The following HPN variants were observed in gnomAD, a reference collection of about 807,000 sequenced individuals.
HPN encodes hepsin, also known as serine protease hepsin.
Under a neutral mutation model 55.9 loss-of-function variants are expected in HPN, and 13 were observed. That is an observed-to-expected ratio of 0.23 (90% confidence interval 0.15 to 0.37). The LOEUF (loss-of-function observed/expected upper bound fraction) is 0.37, where lower values mean the gene tolerates loss of function less well. HPN is among the 10% of genes least tolerant of loss of function. The pLI is 1.00. For missense variants in HPN, 451 were observed against 575.8 expected (o/e 0.78, Z 2.22); for synonymous variants, 225 against 240.3 (o/e 0.94, Z 0.59).
chr19:35,042,564 C>T lies in HPN; in HGVS notation c.16+42C>T, dbSNP rs752153290. 7.1e-6 allele frequency: 11 copies of T among 1,543,688 alleles called. No individual in the cohort carries two copies. The Admixed American group carries it at 8.8e-5, about 12-fold the overall frequency. ...GAGCCCCAGCTTTGGCTCTGCCTGG[C>T]GCCCCGCCCTCTGTGCTCTTTTCTC... On this transcript the variant is annotated intron_variant, in intron 2 of 12. Coordinates refer to ENST00000672452, the MANE Select transcript of HPN (RefSeq NM_001384133.1).
Position 35,066,352 on chromosome 19 carries a change from G to A in HPN, c.*65G>A. On this transcript the variant is annotated 3_prime_UTR_variant, in exon 13 of 13. Transcript: ENST00000672452. ...GATCCCGGTGGTGGGATCCACGCTG[G>A]GCCTAGGATGGGACGTTTTTCTTCT... 1 of 1,562,568 alleles carries A rather than the reference G, an allele frequency of 6.4e-7. No individual in the cohort carries two copies. The highest frequency in any genetic ancestry group is 1.2e-5 in the South Asian group (1 of 86,324).
At chr19:35,050,819 A>G (rs115942899) in intron 4 of HPN, among the ~76,000 whole-genome samples, 275 of 152,178 alleles carry the variant, frequency 1.8e-3, no homozygotes, top group African/African-American at 6.4e-3. Flanking sequence ...TGTATGCACC[A>G]GCCAAGGCCT....
At chr19:35,048,743 A>G (rs1241774888) in intron 2 of HPN, among the ~76,000 whole-genome samples, 1 of 152,186 alleles carries the variant, frequency 6.6e-6, no homozygotes, top group African/African-American at 2.4e-5. Context: ...AAATTAATAC[A>G]TAAAATAAAA....
chr19:35,066,107 G>T lies in HPN; in HGVS notation c.1215+75G>T, dbSNP rs940904910. On this transcript the variant is annotated intron_variant, in intron 12 of 12. Transcript: ENST00000672452. Reference sequence around the variant, plus strand: ...AATGGGGGAAGGGAGGCAGAGATTTGTTTTAGGAAACCTACGCTCAGGCCT... The same window carrying T: ...AATGGGGGAAGGGAGGCAGAGATTTTTTTTAGGAAACCTACGCTCAGGCCT... 3.7e-6 allele frequency: 6 copies of T among 1,611,806 alleles called. No homozygotes were observed. The African/African-American group carries it at 8.0e-5, about 22-fold the overall frequency.
intron 2 of HPN, 79 bp downstream of exon 2, chr19:35,042,601 C>T: frequency 8.2e-7 from 1 of 1,225,808 alleles, no homozygotes; most frequent in Non-Finnish European, 1.2e-6. Flanking sequence ...ACCCTCTACT[C>T]TTCGGAGCCC....
Position 35,060,453 on chromosome 19 carries a change from C to T in HPN, c.561C>T (p.Leu187=), listed in dbSNP as rs1370048822. ...QVSLRYDGAH[L]CGGSLLSGDW... ...GCCTTCGCTATGATGGAGCACACCTCTGTGGGGGATCCCTGCTCTCCGGGG... is the reference window on the plus strand; with the variant it reads ...GCCTTCGCTATGATGGAGCACACCTTTGTGGGGGATCCCTGCTCTCCGGGG... Residue 187 remains leucine, a synonymous_variant, in exon 8 of 13, where the codon CTC becomes CTT. Coordinates refer to ENST00000672452, the MANE Select transcript of HPN (RefSeq NM_001384133.1). The T allele has an allele frequency of 1.9e-6, 3 of 1,613,488 alleles. No homozygotes were observed. Among genetic ancestry groups the T allele is most frequent in the Non-Finnish European group, 2.5e-6 (3 of 1,180,000 alleles).
rs1555722914 is a variant in HPN at position 35,048,028 on chromosome 19, AAAAGAAAGAAAGAAAGAAAG to A, written c.17-1226_17-1207del. 7.3e-4 allele frequency among the ~76,000 whole-genome samples: 64 copies of A among 87,454 alleles called. 1 individual carries two copies. Among genetic ancestry groups the A allele is most frequent in the African/African-American group, 2.4e-3 (61 of 25,042 alleles). 57.4% of individuals were successfully genotyped at this position (87,454 alleles called of 152,430 possible). A position where few individuals can be genotyped will look rare whatever the true frequency, so the allele number is the denominator to read the frequency against. ...AGAAAAAGAAAGAGAGAGAGAGAGA[AAAAGAAAGAAAGAAAGAAAG>A]AAAGAAAGAAAGAAAGAAAGAAAGA... On this transcript the variant is annotated intron_variant, in intron 2 of 12. Coordinates refer to ENST00000672452, the MANE Select transcript of HPN (RefSeq NM_001384133.1).
rs765740800 is a variant in HPN, at chr19:35,059,885, A to G, written c.302A>G (p.His101Arg). 6.6e-6 allele frequency: 10 copies of G among 1,503,984 alleles called. No homozygotes were observed. The highest frequency in any genetic ancestry group is 8.0e-6 in the Non-Finnish European group (9 of 1,126,350). The allele number at this position is 1,503,984 out of a possible 1,614,324, so 93.2% of individuals were successfully genotyped here. Residue 101 changes from histidine to arginine, a missense_variant, in exon 6 of 13, where the codon CAC becomes CGC. His to Arg is a conservative substitution (Grantham distance 29, BLOSUM62 0). Around this residue, in one of 2 missense-constraint regions of HPN, gnomAD observed 378 missense variants for 445.5 expected, o/e 0.85. Transcript: ENST00000672452. ...CCTGCCCCGCCCAGGGCACTGACCCACTCCGAGCTGGACGTGCGAACGGCG... is the reference window on the plus strand; with the variant it reads ...CCTGCCCCGCCCAGGGCACTGACCCGCTCCGAGCTGGACGTGCGAACGGCG... ...EEMGFLRALT[H>R]SELDVRTAGA...
At chr19:35,061,617 CA>C (rs950765664) in intron 9 of HPN, among the ~76,000 whole-genome samples, 11 of 151,464 alleles carry the variant, frequency 7.3e-5, no homozygotes, top group African/African-American at 1.7e-4. Context: ...AAATAAATAA[CA>C]AAAAAAATGT....
chr19:35,049,332 C>T lies in HPN; in HGVS notation c.59C>T (p.Ala20Val), dbSNP rs140545844. 8.1e-6 allele frequency: 13 copies of T among 1,596,452 alleles called. No homozygotes were observed. The African/African-American group carries it at 1.5e-4, about 18-fold the overall frequency. The change falls in exon 3 of 13, where the codon GCT becomes GTT. Residue 20 changes from alanine to valine, a missense_variant. Around this residue, in one of 2 missense-constraint regions of HPN, gnomAD observed 378 missense variants for 445.5 expected, o/e 0.85. Coordinates refer to ENST00000672452, the MANE Select transcript of HPN (RefSeq NM_001384133.1). ...VPCCSRPKVA[A>V]LTAGTLLLLT... ...TGCTGCTCCAGACCCAAGGTGGCAG[C>T]TCTCACTGCGGGGACCCTGCTACTT...
At chr19:35,056,744 C>G (rs1289236144) in intron 4 of HPN, among the ~76,000 whole-genome samples, 1 of 152,218 alleles carries the variant, frequency 6.6e-6, no homozygotes, top group East Asian at 1.9e-4. Context: ...CCATCTGTGT[C>G]TCCAGGATCA....
intron 4 of HPN, chr19:35,059,328 A>C: frequency 2.5e-6 from 1 of 406,208 alleles, no homozygotes; most frequent in South Asian, 2.1e-5. Flanking sequence ...AAACAAACAA[A>C]AAAATTAGTC....
Position 35,060,416 on chromosome 19 carries a change from C to T in HPN, c.524C>T (p.Pro175Leu). The T allele has an allele frequency of 6.2e-7, 1 of 1,613,160 alleles. No homozygotes were observed. Among genetic ancestry groups the T allele is most frequent in the Non-Finnish European group, 8.5e-7 (1 of 1,179,956 alleles). Residue 175 changes from proline (P) to leucine (L), a missense_variant, in exon 8 of 13, where the codon CCG (proline) becomes CTG (leucine). By Grantham distance (98) the Pro-to-Leu change is moderately conservative. Around this residue, in one of 2 missense-constraint regions of HPN, gnomAD observed 378 missense variants for 445.5 expected, o/e 0.85. Transcript: ENST00000672452. ...CGGGACACCAGCTTGGGCCGGTGGC[C>T]GTGGCAAGTCAGCCTTCGCTATGAT... ...GGRDTSLGRW[P>L]WQVSLRYDGA...
chr19:35,041,628 C>T (rs1012859543), upstream of HPN: 57 of 1,155,480 alleles, frequency 4.9e-5, no homozygotes, highest in East Asian at 8.6e-5. Flanking sequence ...CAAGCCCGGC[C>T]CCATCAGCCA....
Position 35,049,331 on chromosome 19 carries a change from G to A in HPN, c.58G>A (p.Ala20Thr), listed in dbSNP as rs1277451125. 6 of 1,595,946 alleles carry A rather than the reference G, an allele frequency of 3.8e-6. No individual in the cohort carries two copies. The highest frequency in any genetic ancestry group is 5.1e-6 in the Non-Finnish European group (6 of 1,169,584). ...VPCCSRPKVA[A>T]LTAGTLLLLT... ...ATGCTGCTCCAGACCCAAGGTGGCAGCTCTCACTGCGGGGACCCTGCTACT... is the reference window on the plus strand; with the variant it reads ...ATGCTGCTCCAGACCCAAGGTGGCAACTCTCACTGCGGGGACCCTGCTACT... Residue 20 changes from alanine (A) to threonine (T), a missense_variant, in exon 3 of 13, where the codon GCT becomes ACT. Physicochemically the swap from Ala to Thr is moderately conservative, Grantham distance 58. Transcript: ENST00000672452.
chr19:35,066,174 T>C, intron 12 of HPN, 75 bp from the exon 13 acceptor site: 2 of 1,613,742 alleles, frequency 1.2e-6, no homozygotes, highest in East Asian at 4.5e-5. Flanking sequence ...TTTGAAGGGT[T>C]CCTGGGGAAG....
Position 35,060,149 on chromosome 19 carries a change from T to C in HPN, c.434T>C (p.Phe145Ser). The C allele has an allele frequency of 6.2e-7, 1 of 1,614,206 alleles. No individual in the cohort carries two copies. Among genetic ancestry groups the C allele is most frequent in the Non-Finnish European group, 8.5e-7 (1 of 1,180,040 alleles). ...CCCAGTGATTGCCCCAGAGGCCGTT[T>C]CTTGGCCGCCATCTGCCAAGGTGAG... ...ISVCDCPRGR[F>S]LAAICQDCGR... Residue 145 changes from phenylalanine to serine, a missense_variant, in exon 7 of 13, where the codon TTC (phenylalanine) becomes TCC (serine). By Grantham distance (155) the Phe-to-Ser change is radical (BLOSUM62 -2). Around this residue, in one of 2 missense-constraint regions of HPN, gnomAD observed 378 missense variants for 445.5 expected, o/e 0.85. Transcript: ENST00000672452.
chr19:35,050,407 C>A, intron 4 of HPN: 1 of 817,884 alleles, frequency 1.2e-6, no homozygotes, highest in Non-Finnish European at 1.7e-6. Context: ...CAGGCATGAG[C>A]CACTGCGCCT....
Position 35,059,769 on chromosome 19 carries a change from C to A in HPN, c.257C>A (p.Ala86Asp). The change falls in exon 5 of 13, where the codon GCC (alanine) becomes GAC (aspartate). Residue 86 changes from alanine to aspartate, a missense_variant. Physicochemically the swap from Ala to Asp is moderately radical, Grantham distance 126 (BLOSUM62 -2). Around this residue, in one of 2 missense-constraint regions of HPN, gnomAD observed 378 missense variants for 445.5 expected, o/e 0.85. Transcript: ENST00000672452. ...LCSSRSNARVAGLSCEEMGFL... is the reference protein window; with the variant it reads ...LCSSRSNARVDGLSCEEMGFL... ...TCCTCGCGCTCCAACGCCAGGGTAG[C>A]CGGACTCAGCTGCGAGGAGATGGGC... 2 of 1,587,724 alleles carry A rather than the reference C, an allele frequency of 1.3e-6. No individual in the cohort carries two copies. Among genetic ancestry groups the A allele is most frequent in the Non-Finnish European group, 1.7e-6 (2 of 1,167,528 alleles).
Sources: allele counts gnomAD v4.1 joint callset (sites outside exome capture counted in the v4.1 genomes callset), GRCh38; gene constraint gnomAD v4.1.1; regional missense constraint gnomAD v4.1.1; transcripts MANE v1.5; gene names NCBI Gene and HGNC (gene_info 2026-07-23, HGNC 2026-07-21).